The following COLEC11 variants were observed in gnomAD, a reference collection of about 807,000 sequenced individuals.
COLEC11 encodes collectin-11.
A neutral mutation model predicts 27.3 loss-of-function variants in COLEC11; 20 were observed. The ratio of observed to expected loss-of-function variants is 0.73; its 90% CI spans 0.51 to 1.06. COLEC11 has a LOEUF of 1.06. COLEC11 is among the 50% of genes least tolerant of loss of function. The probability of loss-of-function intolerance (pLI) is 0.00; values close to 1 mark genes in which losing one functional copy is unlikely to be tolerated. For missense variants in COLEC11, 310 were observed against 383.0 expected, an observed-to-expected ratio of 0.81 and a Z score of 1.59; for synonymous variants, 163 against 154.7, an observed-to-expected ratio of 1.05 and a Z score of -0.40.
intron 3 of COLEC11, among the ~76,000 whole-genome samples, chr2:3,621,696 G>C (rs956527055): frequency 7.3e-5 from 11 of 151,578 alleles, no homozygotes; most frequent in African/African-American, 2.4e-4. Flanking sequence ...TCTTTCTTTT[G>C]TGTATGTACT....
Position 3,611,085 on chromosome 2 carries a change from G to T in COLEC11, c.131-2226G>T, listed in dbSNP as rs533389301. Among the ~76,000 whole-genome samples, 14 of 152,314 alleles carry T rather than the reference G, an allele frequency of 9.2e-5. No homozygotes were observed. The East Asian group carries it at 2.1e-3, about 23-fold the overall frequency. On this transcript the variant is annotated intron_variant, in intron 2 of 6. Coordinates refer to ENST00000349077, the MANE Select transcript of COLEC11 (RefSeq NM_024027.5). Reference sequence around the variant, plus strand: ...CTTTCCTTAGCACTGGGAAATCGCAGCTACTAAATCTTCGCAGCCACGAAG... The same window carrying T: ...CTTTCCTTAGCACTGGGAAATCGCATCTACTAAATCTTCGCAGCCACGAAG...
In COLEC11 at chr2:3,617,451, A is replaced by C. The variant is rs747671714; in HGVS notation, c.202+4069A>C. The stretch of plus-strand genomic sequence containing the variant: ...AGCACAGTCATTTAAACTTGATCCA[A>C]TCTCTTTGCATCTTACAAAGCTAAA... On this transcript the variant is annotated intron_variant, in intron 3 of 6. Coordinates refer to ENST00000349077, the MANE Select transcript of COLEC11 (RefSeq NM_024027.5). The C allele has an allele frequency of 5.6e-6, 7 of 1,253,026 alleles. No homozygotes were observed. In the Admixed American group the frequency reaches 1.0e-4, roughly 18 times the overall value. The allele number at this position is 1,253,026 out of a possible 1,614,324, so 77.6% of individuals were successfully genotyped here.
At chr2:3,607,013 C>T (rs72767193) in intron 2 of COLEC11, among the ~76,000 whole-genome samples, 8,867 of 152,274 alleles carry the variant, frequency 0.058, 400 homozygotes, top group African/African-American at 0.13. Context: ...TCCTCACAGT[C>T]CCGCCGTTCG....
At chr2:3,613,944 T>A (rs1255745738) in intron 3 of COLEC11, among the ~76,000 whole-genome samples, 1 of 151,664 alleles carries the variant, frequency 6.6e-6, no homozygotes, top group Non-Finnish European at 1.5e-5. Context: ...CTGCTTAAAA[T>A]TTTTTTAAGT....
chr2:3,636,714 G>A (rs1665440912), intron 3 of COLEC11, among the ~76,000 whole-genome samples: 1 of 152,198 alleles, frequency 6.6e-6, no homozygotes, highest in Non-Finnish European at 1.5e-5. Context: ...AGACAGGTAG[G>A]AGCAGTTGCT....
At chr2:3,601,937 C>T (rs897758592) in intron 1 of COLEC11, 3 of 152,238 alleles carry the variant, frequency 2.0e-5, no homozygotes, top group Admixed American at 6.5e-5. Flanking sequence ...AATGACTTCC[C>T]TTCGAGCTGC....
At chr2:3,622,688 G>T (rs757301810) in intron 3 of COLEC11, among the ~76,000 whole-genome samples, 1 of 152,152 alleles carries the variant, frequency 6.6e-6, no homozygotes, top group African/African-American at 2.4e-5. Context: ...GGCCTCTCTC[G>T]TGGGCCTCCT....
Position 3,643,917 on chromosome 2 carries a change from C to T in COLEC11, c.615C>T (p.Ile205=), listed in dbSNP as rs1183115578. 2 of 1,614,000 alleles carry T rather than the reference C, an allele frequency of 1.2e-6. No homozygotes were observed. The highest frequency in any genetic ancestry group is 1.7e-6 in the Non-Finnish European group (2 of 1,180,056). The change falls in exon 7 of 7, where the codon ATC becomes ATT. Residue 205 remains isoleucine, a synonymous_variant. Coordinates refer to ENST00000349077, the MANE Select transcript of COLEC11 (RefSeq NM_024027.5). ...QAGLARVFIG[I]NDLEKEGAFV... ...GCCTGGCCCGTGTCTTCATCGGCAT[C>T]AACGACCTGGAGAAGGAGGGCGCCT...
At chr2:3,632,597 T>C (rs916531455) in intron 3 of COLEC11, among the ~76,000 whole-genome samples, 3 of 152,230 alleles carry the variant, frequency 2.0e-5, no homozygotes, top group South Asian at 4.1e-4. Flanking sequence ...AAGACCCTGC[T>C]TCTAGTAGGA....
chr2:3,609,352 ATTTT>A (rs567474674), intron 2 of COLEC11, among the ~76,000 whole-genome samples: 107 of 87,350 alleles, frequency 1.2e-3, no homozygotes, highest in African/African-American at 6.0e-3. Context: ...TTTTTCTTTG[ATTTT>A]TTTTTTTTTT....
At chr2:3,595,280 G>C (rs1661772867) in intron 1 of COLEC11, 112 bp downstream of exon 1, 2 of 202,868 alleles carry the variant, frequency 9.9e-6, no homozygotes, top group South Asian at 6.3e-5. Context: ...TGCTGAGCGA[G>C]GAGGATGGGA....
At chr2:3,626,360 G>A (rs1169916205) in intron 3 of COLEC11, among the ~76,000 whole-genome samples, 2 of 152,072 alleles carry the variant, frequency 1.3e-5, no homozygotes, top group African/African-American at 4.8e-5. Flanking sequence ...CCACCTGTCA[G>A]TTATGTCAGC....
In COLEC11 at chr2:3,602,770, T is replaced by C. The variant is rs1182488110; in HGVS notation, c.-26-1545T>C. Among the ~76,000 whole-genome samples the C allele has an allele frequency of 3.3e-5, 5 of 152,300 alleles. No individual in the cohort carries two copies. The highest frequency in any genetic ancestry group is 1.2e-4 in the African/African-American group (5 of 41,566). ...CAGGCCAGCCCACCTCTCCCCGCAC[T>C]GTCCGGCATGCACTGCCTCAAGGCT... On this transcript the variant is annotated intron_variant, in intron 1 of 6. Coordinates refer to ENST00000349077, the MANE Select transcript of COLEC11 (RefSeq NM_024027.5). The surrounding 1 kb of genome is among the most constrained non-coding windows in gnomAD (Gnocchi z 6.2).
In COLEC11 at chr2:3,605,136, G is replaced by A. The variant is rs746746696; in HGVS notation, c.130+666G>A. 3.3e-4 allele frequency: 155 copies of A among 465,562 alleles called. 1 individual carries two copies. The highest frequency in any genetic ancestry group is 1.4e-4 in the Non-Finnish European group (32 of 225,612). The allele number at this position is 465,562 out of a possible 1,614,324, so 28.8% of individuals were successfully genotyped here. On this transcript the variant is annotated intron_variant, in intron 2 of 6. Coordinates refer to ENST00000349077, the MANE Select transcript of COLEC11 (RefSeq NM_024027.5). ...CAAAGCAGAGGCAACAGGTCCCCAA[G>A]CCTGGGGGAGCCCGGTGTGAAATGA...
chr2:3,636,060 C>T (rs1028673751), intron 3 of COLEC11, among the ~76,000 whole-genome samples: 1 of 152,226 alleles, frequency 6.6e-6, no homozygotes, highest in African/African-American at 2.4e-5. Context: ...ACATCTGCTT[C>T]GCAAAACAAG....
At chr2:3,625,569 A>T (rs556183390) in intron 3 of COLEC11, among the ~76,000 whole-genome samples, 8 of 137,664 alleles carry the variant, frequency 5.8e-5, no homozygotes, top group Admixed American at 5.8e-4. Context: ...TCAGGGGTCT[A>T]CTCTGTGCCT....
intron 5 of COLEC11, among the ~76,000 whole-genome samples, chr2:3,642,904 C>T (rs1298493780): frequency 6.6e-6 from 1 of 152,214 alleles, no homozygotes; most frequent in African/African-American, 2.4e-5. Context: ...ATGCCCAGCT[C>T]TGCCCTGGCC....
At chr2:3,623,320 G>T (rs1160567287) in intron 3 of COLEC11, among the ~76,000 whole-genome samples, 2 of 152,094 alleles carry the variant, frequency 1.3e-5, no homozygotes, top group Admixed American at 6.5e-5. Context: ...GTACCTTGAT[G>T]TCCACATCAC....
chr2:3,627,320 CG>C (rs760404749), intron 3 of COLEC11, among the ~76,000 whole-genome samples: 1 of 109,064 alleles, frequency 9.2e-6, no homozygotes, highest in Admixed American at 9.8e-5. Flanking sequence ...GGCATGATGA[CG>C]GGGGGCATGA....
Sources: gnomAD v4.1 joint callset for allele counts (sites outside exome capture counted in the v4.1 genomes callset) on GRCh38, gnomAD v4.1.1 for gene constraint, Gnocchi (gnomAD v3.1) non-coding constraint, MANE v1.5 for transcripts, NCBI Gene and HGNC (gene_info 2026-07-23, HGNC 2026-07-21) for gene names.